BARD1: variants seen among roughly 807,000 people sequenced by gnomAD.
BARD1 encodes the protein BRCA1-associated RING domain protein 1.
In BARD1, 73 loss-of-function variants were observed where a neutral mutation model predicts 77.0. The ratio of observed to expected loss-of-function variants is 0.95; its 90% CI spans 0.79 to 1.15. The LOEUF is 1.15. Among genes scored for constraint, BARD1 ranks in the 50% most tolerant of loss-of-function variants. The pLI, the probability that BARD1 is intolerant of heterozygous loss-of-function variation, is 0.00. For synonymous variants in BARD1, 384 were observed against 338.0 expected, an observed-to-expected ratio of 1.14 and a Z score of -1.49; for missense variants, 993 against 938.8, an observed-to-expected ratio of 1.06 and a Z score of -0.75.
chr2:214,763,093 A>G (rs1348500567), intron 6 of BARD1, among the ~76,000 whole-genome samples: 1 of 151,942 alleles, frequency 6.6e-6, no homozygotes, highest in African/African-American at 2.4e-5. Context: ...CTTTTATTCC[A>G]CTTACATCAC....
rs564153085 is a variant in BARD1, at chr2:214,726,036, G to A, written c.*2640C>T. ...TAACTATTAAATTTACAAGGCAGGT[G>A]CAAAAAAAAAAAAAGGTGGGGGGAC... On this transcript the variant is annotated 3_prime_UTR_variant, in exon 11 of 11. Transcript: ENST00000260947. 671 of 185,428 alleles carry A rather than the reference G, an allele frequency of 3.6e-3. 2 individuals are homozygous for A. The highest frequency in any genetic ancestry group is 8.5e-3 in the Admixed American group (124 of 14,658). 11.5% of individuals were successfully genotyped at this position (185,428 alleles called of 1,614,324 possible). A position where few individuals can be genotyped will look rare whatever the true frequency, so the allele number is the denominator to read the frequency against.
rs186506966 is a variant in BARD1, at chr2:214,743,555, C to T, written c.1903+1512G>A. On this transcript the variant is annotated intron_variant, in intron 9 of 10. Coordinates refer to ENST00000260947, the MANE Select transcript of BARD1 (RefSeq NM_000465.4). The stretch of plus-strand genomic sequence containing the variant: ...TAATACCAACAAATTGAGTTCAATA[C>T]GATCCATAGAGCTTATTCAGATTTC... Among the ~76,000 whole-genome samples the T allele has an allele frequency of 1.1e-4, 16 of 152,098 alleles. No individual in the cohort carries two copies. The East Asian group carries it at 2.9e-3, about 28-fold the overall frequency.
chr2:214,805,557 C>T (rs1696230392), intron 1 of BARD1, among the ~76,000 whole-genome samples: 1 of 152,128 alleles, frequency 6.6e-6, no homozygotes, highest in Admixed American at 6.5e-5. Context: ...ACATAACAGA[C>T]ACAGCTCAAG....
At chr2:214,759,349 T>A (rs1399657307) in intron 6 of BARD1, among the ~76,000 whole-genome samples, 4 of 152,132 alleles carry the variant, frequency 2.6e-5, no homozygotes, top group African/African-American at 9.7e-5. Flanking sequence ...ATGGTTCTCA[T>A]GTGACCGTAA....
intron 3 of BARD1, among the ~76,000 whole-genome samples, chr2:214,790,109 C>A (rs770586981): frequency 1.3e-5 from 2 of 152,102 alleles, no homozygotes; most frequent in Admixed American, 1.3e-4. Context: ...TCAAACATCA[C>A]TAGCTAGAAT....
intron 1 of BARD1, among the ~76,000 whole-genome samples, chr2:214,805,972 C>T (rs1696252085): frequency 6.6e-6 from 1 of 152,190 alleles, no homozygotes; most frequent in Non-Finnish European, 1.5e-5. Context: ...ATTACCATTT[C>T]CTGCTTCCTT....
At chr2:214,774,519 T>C (rs756078271) in intron 4 of BARD1, among the ~76,000 whole-genome samples, 3 of 152,218 alleles carry the variant, frequency 2.0e-5, no homozygotes, top group East Asian at 1.9e-4. Flanking sequence ...TTTGAATATC[T>C]TTCCTGAACA....
chr2:214,783,758 A>G (rs544443923), intron 3 of BARD1, among the ~76,000 whole-genome samples: 1 of 152,174 alleles, frequency 6.6e-6, no homozygotes, highest in Non-Finnish European at 1.5e-5. Flanking sequence ...TAACAAAACA[A>G]GCAATGGGGA....
intron 9 of BARD1, among the ~76,000 whole-genome samples, chr2:214,731,508 T>G (rs1278199690): frequency 3.3e-5 from 5 of 152,246 alleles, no homozygotes; most frequent in African/African-American, 9.6e-5. Context: ...GATTTGCAGT[T>G]GAAGGACTTG....
intron 2 of BARD1, chr2:214,796,672 G>A (rs551861066): frequency 3.3e-4 from 69 of 207,630 alleles, no homozygotes; most frequent in Admixed American, 9.1e-4. Flanking sequence ...CCAGTTTTTG[G>A]TTCTTTGTTA....
intron 3 of BARD1, among the ~76,000 whole-genome samples, chr2:214,783,471 C>T (rs548205872): frequency 2.0e-5 from 3 of 152,052 alleles, no homozygotes; most frequent in South Asian, 4.1e-4. Context: ...AACAGAAAAC[C>T]AAAAACCACA....
At position 214,781,620 on chromosome 2, in the gene BARD1, T is replaced by G. The variant is rs16852743; in HGVS notation, c.365-111A>C. The G allele has an allele frequency of 2.0e-5, 16 of 800,606 alleles. No homozygotes were observed. Among genetic ancestry groups the G allele is most frequent in the Non-Finnish European group, 1.6e-5 (8 of 505,076 alleles). The allele number at this position is 800,606 out of a possible 1,614,324, so 49.6% of individuals were successfully genotyped here. On this transcript the variant is annotated intron_variant, in intron 3 of 10. Transcript: ENST00000260947. Reference sequence around the variant, plus strand: ...CCTAAAGTGTATCATCTTTTAATTATGTACTTCTTTCTCAGCTCCTAGAGT... The same window carrying G: ...CCTAAAGTGTATCATCTTTTAATTAGGTACTTCTTTCTCAGCTCCTAGAGT...
chr2:214,757,217 G>C (rs1693733129), intron 6 of BARD1, among the ~76,000 whole-genome samples: 1 of 151,436 alleles, frequency 6.6e-6, no homozygotes, highest in African/African-American at 2.4e-5. Context: ...TACATATACT[G>C]AATCCTAAAA....
At chr2:214,771,682 C>G (rs1221950305) in intron 4 of BARD1, among the ~76,000 whole-genome samples, 2 of 151,550 alleles carry the variant, frequency 1.3e-5, no homozygotes, top group African/African-American at 4.9e-5. Context: ...GAGTTGAGAT[C>G]ACACCACTGC....
chr2:214,802,503 C>G (rs1696070851), intron 1 of BARD1, among the ~76,000 whole-genome samples: 1 of 152,126 alleles, frequency 6.6e-6, no homozygotes, highest in Non-Finnish European at 1.5e-5. Flanking sequence ...TGTATTTTAA[C>G]TTCCTGATTT....
chr2:214,772,127 A>G (rs6745264), intron 4 of BARD1, among the ~76,000 whole-genome samples: 27,401 of 151,860 alleles, frequency 0.18, 2,649 homozygotes, highest in East Asian at 0.41. Flanking sequence ...CACCATGCCC[A>G]GCTAATTTTT....
At position 214,748,940 on chromosome 2, in the gene BARD1, G is replaced by C. The variant is rs1243355234; in HGVS notation, c.1678-3086C>G. Among the ~76,000 whole-genome samples, 3 of 152,092 alleles carry C rather than the reference G, an allele frequency of 2.0e-5. No individual in the cohort carries two copies. In the East Asian group the frequency reaches 5.8e-4, roughly 29 times the overall value. On this transcript the variant is annotated intron_variant, in intron 7 of 10. Transcript: ENST00000260947. The stretch of plus-strand genomic sequence containing the variant: ...GCTAGGGCTACTATAGTAAACAGAA[G>C]AGCCAGCCCCTGCCCTCACACAGTT...
intron 5 of BARD1, 98 bp downstream of exon 5, chr2:214,769,134 G>A (rs547943420): frequency 1.0e-6 from 1 of 965,524 alleles, no homozygotes; most frequent in South Asian, 1.4e-5. Context: ...ACTAAAAAGA[G>A]TATATGTGGC....
Position 214,752,535 on chromosome 2 carries a change from G to A in BARD1, c.1589C>T (p.Pro530Leu). 1 of 1,613,494 alleles carries A rather than the reference G, an allele frequency of 6.2e-7. No homozygotes were observed. Among genetic ancestry groups the A allele is most frequent in the Non-Finnish European group, 8.5e-7 (1 of 1,179,592 alleles). Residue 530 changes from proline (P) to leucine (L), a missense_variant, in exon 7 of 11, where the codon CCT (proline) becomes CTT (leucine). Coordinates refer to ENST00000260947, the MANE Select transcript of BARD1 (RefSeq NM_000465.4). The part of the protein sequence containing the change: ...RNAVNIFGLR[P>L]VDYTDDESMK... ...ACTTTCATCATCTGTATAATCGACA[G>A]GCCGCAGACCAAATATATTACTGGT...
Sources: gnomAD v4.1 joint callset for allele counts (sites outside exome capture counted in the v4.1 genomes callset) on GRCh38, gnomAD v4.1.1 for gene constraint, MANE v1.5 for transcripts, NCBI Gene and HGNC (gene_info 2026-07-23, HGNC 2026-07-21) for gene names.